CARF: variants seen among roughly 807,000 people sequenced by gnomAD.
CARF encodes the protein calcium responsive transcription factor.
In CARF, 57 loss-of-function variants were observed where a neutral mutation model predicts 82.0. That is an observed-to-expected ratio of 0.70 (90% CI 0.56 to 0.87). CARF has a LOEUF of 0.87. Ranked by LOEUF, CARF falls within the 40% of genes least tolerant of loss-of-function variation. CARF has a pLI of 0.00. For missense variants in CARF, 771 were observed against 855.8 expected (o/e 0.90, Z 1.24); for synonymous variants, 268 against 290.1 (o/e 0.92, Z 0.77).
intron 3 of CARF, among the ~76,000 whole-genome samples, chr2:202,933,979 T>G (rs1309101113): frequency 1.3e-5 from 2 of 152,116 alleles, no homozygotes; most frequent in Non-Finnish European, 2.9e-5. Context: ...TTGGCTTCCC[T>G]GGACCACATT....
intron 2 of CARF, among the ~76,000 whole-genome samples, chr2:202,923,309 T>C (rs936762927): frequency 6.6e-6 from 1 of 152,202 alleles, no homozygotes; most frequent in African/African-American, 2.4e-5. Context: ...ATTAATTTTG[T>C]GCGGTAGCTC....
At chr2:202,964,883 G>GTA (rs150006525) in intron 9 of CARF, among the ~76,000 whole-genome samples, 18,431 of 144,714 alleles carry the variant, frequency 0.13, 1,331 homozygotes, top group Non-Finnish European at 0.17. Flanking sequence ...ACATATATGT[G>GTA]TATATATATA....
intron 8 of CARF, among the ~76,000 whole-genome samples, chr2:202,956,295 C>T (rs1221243676): frequency 6.6e-6 from 1 of 151,688 alleles, no homozygotes; most frequent in African/African-American, 2.4e-5. Context: ...TCCCTCTGTC[C>T]CCCAGGCTGT....
Position 202,954,005 on chromosome 2 carries a change from A to T in CARF, c.428A>T (p.Asp143Val). 6.2e-7 allele frequency: 1 copy of T among 1,601,110 alleles called. No homozygotes were observed. Among genetic ancestry groups the T allele is most frequent in the Non-Finnish European group, 8.5e-7 (1 of 1,175,444 alleles). ...CTTTGTTCTTGTTTTTGTTGTTAAG[A>T]TGTCCCTGAAGAGAAACCCAGTAAC... ...GQLVDVNSPR[D>V]VPEEKPSNRN... The change falls in exon 7 of 17, where the codon GAT becomes GTT. Residue 143 changes from aspartate to valine, a missense_variant and splice_region_variant. Transcript: ENST00000438828.
chr2:202,920,996 C>G (rs1690688258), intron 2 of CARF, among the ~76,000 whole-genome samples: 1 of 151,864 alleles, frequency 6.6e-6, no homozygotes, highest in African/African-American at 2.4e-5. Flanking sequence ...AACATAAAAT[C>G]TTAGTATTAT....
chr2:202,981,651 CCT>C lies in CARF; in HGVS notation c.1657_1658del (p.Ser553IlefsTer22). On this transcript the variant is annotated frameshift_variant, in exon 15 of 17. Transcript: ENST00000438828. LOFTEE classifies it high-confidence loss of function. ...CCAACCCACTTGCTCTCCTCACTCT[CCT>C]CATTTCAGCCCAAAATATTTACACA... 1 of 1,612,046 alleles carries C rather than the reference CCT, an allele frequency of 6.2e-7. No homozygotes were observed. The highest frequency in any genetic ancestry group is 8.5e-7 in the Non-Finnish European group (1 of 1,178,812).
chr2:202,930,291 C>A (rs1692645397), intron 3 of CARF, among the ~76,000 whole-genome samples: 1 of 152,240 alleles, frequency 6.6e-6, no homozygotes, highest in Non-Finnish European at 1.5e-5. Context: ...AAGTCATCCA[C>A]CTGCCTTGGC....
chr2:202,953,642 AAT>A (rs1198150356), intron 6 of CARF, among the ~76,000 whole-genome samples: 1 of 151,388 alleles, frequency 6.6e-6, no homozygotes, highest in Non-Finnish European at 1.5e-5. Flanking sequence ...ATTCTTTGTT[AAT>A]AGTCATTAAG....
intron 5 of CARF, among the ~76,000 whole-genome samples, chr2:202,944,022 A>G (rs955585557): frequency 5.9e-5 from 9 of 152,204 alleles, no homozygotes; most frequent in Non-Finnish European, 1.2e-4. Flanking sequence ...GAAGAAATAG[A>G]AAGTAATGGA....
At chr2:202,917,404 A>G (rs1175015265) in intron 1 of CARF, among the ~76,000 whole-genome samples, 1 of 151,994 alleles carries the variant, frequency 6.6e-6, no homozygotes. Context: ...TAGGCTCCAT[A>G]TTTAATATTT....
chr2:202,956,528 G>A (rs2059052283), intron 8 of CARF, among the ~76,000 whole-genome samples: 1 of 152,122 alleles, frequency 6.6e-6, no homozygotes, highest in Non-Finnish European at 1.5e-5. Context: ...TGGGATTACA[G>A]GTGTGAACCA....
At chr2:202,953,498 G>GTTTTTTTTTTTTTTTTT (rs67855316) in intron 6 of CARF, among the ~76,000 whole-genome samples, 4 of 70,294 alleles carry the variant, frequency 5.7e-5, no homozygotes, top group Non-Finnish European at 7.4e-5. Flanking sequence ...TTTTTTTGTT[G>GTTTTTTTTTTTTTTTTT]TTTTTTTTTT....
chr2:202,979,843 C>T (rs1029644130), intron 14 of CARF, among the ~76,000 whole-genome samples: 4 of 151,766 alleles, frequency 2.6e-5, no homozygotes, highest in Admixed American at 2.0e-4. Context: ...AGTTATATAG[C>T]GTATTGAAGG....
chr2:202,962,471 A>G (rs1302993449), intron 9 of CARF: 1 of 152,100 alleles, frequency 6.6e-6, no homozygotes, highest in African/African-American at 2.4e-5. Context: ...AGCCTGGGTG[A>G]CAGAGTAAGA....
intron 14 of CARF, among the ~76,000 whole-genome samples, chr2:202,978,308 G>C (rs936923117): frequency 6.6e-6 from 1 of 152,190 alleles, no homozygotes. Flanking sequence ...GGATTGGGAG[G>C]AAGCCATATT....
At chr2:202,942,480 T>C in intron 4 of CARF, 2 of 622,404 alleles carry the variant, frequency 3.2e-6, no homozygotes, top group African/African-American at 4.0e-5. Context: ...AAATTTTATA[T>C]ACAGAGAAAA....
At chr2:202,974,899 A>G (rs955857840) in intron 13 of CARF, among the ~76,000 whole-genome samples, 3 of 151,304 alleles carry the variant, frequency 2.0e-5, no homozygotes, top group Non-Finnish European at 4.4e-5. Context: ...ACTCCATCTC[A>G]AAAAATATAT....
rs554008003 is a variant in CARF, at chr2:202,973,980, C to A, written c.1332-354C>A. Among the ~76,000 whole-genome samples, 5 of 151,814 alleles carry A rather than the reference C, an allele frequency of 3.3e-5. No homozygotes were observed. The East Asian group carries it at 9.7e-4, about 29-fold the overall frequency. Reference sequence around the variant, plus strand: ...GCACACTCCTGTAGTCCCAGCTACTCGGGAGGCTGAGGCAGGAGAATCGCT... The same window carrying A: ...GCACACTCCTGTAGTCCCAGCTACTAGGGAGGCTGAGGCAGGAGAATCGCT... On this transcript the variant is annotated intron_variant, in intron 12 of 16. Coordinates refer to ENST00000438828, the MANE Select transcript of CARF (RefSeq NM_024744.17).
At chr2:202,939,043 A>G (rs553635199) in intron 3 of CARF, among the ~76,000 whole-genome samples, 1 of 152,104 alleles carries the variant, frequency 6.6e-6, no homozygotes, top group South Asian at 2.1e-4. Context: ...GGGTGTTTTT[A>G]TGGTCTGTCT....
Sources: gnomAD v4.1 joint callset for allele counts (sites outside exome capture counted in the v4.1 genomes callset) on GRCh38, gnomAD v4.1.1 for gene constraint, MANE v1.5 for transcripts, NCBI Gene and HGNC (gene_info 2026-07-23, HGNC 2026-07-21) for gene names.